Variants in SLC38A9 observed in about 807,000 individuals in gnomAD.
SLC38A9 encodes the protein solute carrier family 38 member 9.
Under a neutral mutation model 62.3 loss-of-function variants are expected in SLC38A9, and 48 were observed. That is an observed-to-expected ratio of 0.77 (90% CI 0.61 to 0.98). The LOEUF is 0.98. SLC38A9 is among the 50% of genes least tolerant of loss of function. The pLI is 0.00. For missense variants in SLC38A9, 541 were observed against 679.8 expected (o/e 0.80, Z 2.27); for synonymous variants, 204 against 227.7 (o/e 0.90, Z 0.94).
At chr5:55,663,601 C>T (rs981600423) in intron 8 of SLC38A9, among the ~76,000 whole-genome samples, 4 of 151,852 alleles carry the variant, frequency 2.6e-5, no homozygotes, top group Non-Finnish European at 5.9e-5. Context: ...AGTGTTACCG[C>T]GGGTGCCTGT....
chr5:55,690,657 C>T (rs551434902), intron 3 of SLC38A9, among the ~76,000 whole-genome samples: 85 of 152,162 alleles, frequency 5.6e-4, no homozygotes, highest in Non-Finnish European at 1.1e-3. Context: ...ATGAAACCAT[C>T]AAGCCTCAAT....
At chr5:55,692,810 C>T (rs1754927547) in intron 3 of SLC38A9, 1 of 984,900 alleles carries the variant, frequency 1.0e-6, no homozygotes. Context: ...TTCAAGAAAA[C>T]CCTGAGCATT....
chr5:55,641,779 T>A (rs1046906864), intron 12 of SLC38A9, among the ~76,000 whole-genome samples: 1 of 152,224 alleles, frequency 6.6e-6, no homozygotes, highest in Admixed American at 6.5e-5. Context: ...ATTGACAGAC[T>A]TTGAAAGAAG....
intron 12 of SLC38A9, among the ~76,000 whole-genome samples, chr5:55,637,056 C>T (rs2150071349): frequency 6.6e-6 from 1 of 152,192 alleles, no homozygotes; most frequent in East Asian, 1.9e-4. Flanking sequence ...GTAGTAGTTT[C>T]CCATTATGAT....
At chr5:55,697,667 A>C (rs1219388011) in intron 3 of SLC38A9, among the ~76,000 whole-genome samples, 179 bp downstream of exon 3, 1 of 151,960 alleles carries the variant, frequency 6.6e-6, no homozygotes, top group Non-Finnish European at 1.5e-5. Flanking sequence ...AAAAAAAAAA[A>C]AAAAAAAATA....
chr5:55,634,758 C>T (rs1196265124), intron 13 of SLC38A9: 1 of 152,100 alleles, frequency 6.6e-6, no homozygotes, highest in African/African-American at 2.4e-5. Context: ...TATAATTCAG[C>T]TGTAATAAAT....
chr5:55,652,357 C>CAAAAAAAA (rs60557392), intron 10 of SLC38A9, among the ~76,000 whole-genome samples, 172 bp downstream of exon 10: 9 of 56,098 alleles, frequency 1.6e-4, no homozygotes, highest in South Asian at 1.0e-3. Context: ...AACTCCGTCT[C>CAAAAAAAA]AAAAAAAAAA....
At chr5:55,690,697 T>G (rs1754604187) in intron 3 of SLC38A9, among the ~76,000 whole-genome samples, 1 of 152,194 alleles carries the variant, frequency 6.6e-6, no homozygotes, top group Non-Finnish European at 1.5e-5. Context: ...TGGGCCAGGA[T>G]CTATCTACTG....
intron 10 of SLC38A9, among the ~76,000 whole-genome samples, chr5:55,650,940 C>T (rs557992786): frequency 6.6e-5 from 10 of 151,628 alleles, no homozygotes; most frequent in Middle Eastern, 3.4e-3. Flanking sequence ...TACAGGCATG[C>T]GCCACCATGC....
At chr5:55,667,778 GA>G (rs1750712996) in intron 7 of SLC38A9, among the ~76,000 whole-genome samples, 1 of 152,026 alleles carries the variant, frequency 6.6e-6, no homozygotes, top group Non-Finnish European at 1.5e-5. Flanking sequence ...CACCCAGGCT[GA>G]AGTGCAGTGG....
intron 9 of SLC38A9, among the ~76,000 whole-genome samples, 179 bp from the exon 10 acceptor site, chr5:55,652,902 C>T (rs911873828): frequency 6.6e-6 from 1 of 152,156 alleles, no homozygotes; most frequent in Admixed American, 6.5e-5. Context: ...AATATTAGGA[C>T]TCTTTCACCT....
chr5:55,712,095 C>A (rs908724308), intron 1 of SLC38A9, 122 bp downstream of exon 1: 3 of 152,280 alleles, frequency 2.0e-5, no homozygotes, highest in African/African-American at 7.2e-5. Context: ...CGATGCGCTG[C>A]AAAGAACTAT....
Position 55,651,246 on chromosome 5 carries a change from A to ATTTTTTTTTTTT in SLC38A9, c.952+1282_952+1283insAAAAAAAAAAAA, listed in dbSNP as rs1371252740. Among the ~76,000 whole-genome samples, 6 of 114,092 alleles carry ATTTTTTTTTTTT rather than the reference A, an allele frequency of 5.3e-5. 2 individuals carry two copies. The highest frequency in any genetic ancestry group is 3.5e-5 in the Non-Finnish European group (2 of 57,670). The allele number at this position is 114,092 out of a possible 152,430, so 74.8% of individuals were successfully genotyped here. On this transcript the variant is annotated intron_variant, in intron 10 of 15. Coordinates refer to ENST00000396865, the MANE Select transcript of SLC38A9 (RefSeq NM_173514.4). ...TTTCACTGGGGGGGTTCCTTTTGCC[A>ATTTTTTTTTTTT]TCTTTTTTTTTTTTTTTTTTTTAAG...
chr5:55,698,717 C>A (rs577079098), intron 2 of SLC38A9, among the ~76,000 whole-genome samples: 1 of 152,182 alleles, frequency 6.6e-6, no homozygotes, highest in Admixed American at 6.6e-5. Flanking sequence ...TCGCTTGAGG[C>A]TGGGAGTCTG....
At chr5:55,644,956 G>A (rs1746079653) in intron 12 of SLC38A9, among the ~76,000 whole-genome samples, 1 of 151,844 alleles carries the variant, frequency 6.6e-6, no homozygotes, top group Middle Eastern at 3.2e-3. Context: ...CTATGAGTGA[G>A]AACATGCGGT....
intron 12 of SLC38A9, among the ~76,000 whole-genome samples, chr5:55,643,537 G>C (rs1316187307): frequency 2.6e-5 from 4 of 152,154 alleles, no homozygotes; most frequent in African/African-American, 4.8e-5. Flanking sequence ...ATATATATTA[G>C]ATTAAATAGG....
intron 14 of SLC38A9, among the ~76,000 whole-genome samples, chr5:55,630,442 C>T (rs1445879033): frequency 5.3e-5 from 8 of 151,976 alleles, no homozygotes; most frequent in African/African-American, 1.9e-4. Flanking sequence ...CTCAGCCTCC[C>T]GAGTACCTGG....
chr5:55,665,411 T>C (rs1228947473), intron 7 of SLC38A9, among the ~76,000 whole-genome samples: 3 of 151,322 alleles, frequency 2.0e-5, no homozygotes, highest in African/African-American at 2.4e-5. Flanking sequence ...TAGCTGGGCA[T>C]AGTGGCGCGC....
Position 55,626,653 on chromosome 5 carries a change from T to C in SLC38A9, c.1527A>G (p.Ser509=). 1 of 1,595,826 alleles carries C rather than the reference T, an allele frequency of 6.3e-7. No individual in the cohort carries two copies. Among genetic ancestry groups the C allele is most frequent in the Non-Finnish European group, 8.5e-7 (1 of 1,174,302 alleles). ...CAAAGGCCAGTCCACATGCTGCTCC[T>C]GAATATCTGCAAAATAAAAGCTTTT... The part of the protein sequence containing the change: ...YPNIGGIIRY[S]GAACGLAFVF... Residue 509 remains serine (S), a synonymous_variant, in exon 16 of 16, where the codon TCA becomes TCG. Transcript: ENST00000396865.
Sources: allele counts gnomAD v4.1 joint callset (sites outside exome capture counted in the v4.1 genomes callset), GRCh38; gene constraint gnomAD v4.1.1; transcripts MANE v1.5; gene names NCBI Gene and HGNC (gene_info 2026-07-23, HGNC 2026-07-21).